LIMS2: variants seen among roughly 807,000 people sequenced by gnomAD.
LIMS2 encodes LIM zinc finger domain containing 2.
LIMS2 carries 30 observed loss-of-function variants against 45.3 expected under a neutral mutation model. That is an observed-to-expected ratio of 0.66 (90% CI 0.50 to 0.90). LIMS2 has a LOEUF of 0.90. LIMS2 is among the 40% of genes least tolerant of loss of function. The probability of loss-of-function intolerance (pLI) is 0.00; values close to 1 mark genes in which losing one functional copy is unlikely to be tolerated. For synonymous variants in LIMS2, 173 were observed against 188.0 expected (o/e 0.92, Z 0.65); for missense variants, 485 against 468.7 (o/e 1.03, Z -0.32).
chr2:127,648,064 G>C, intron 4 of LIMS2: 2 of 985,596 alleles, frequency 2.0e-6, no homozygotes, highest in Non-Finnish European at 2.4e-6. Flanking sequence ...TCAGCTCTCC[G>C]CCCTCACCGT....
At chr2:127,649,297 C>A (rs1052908092) in intron 4 of LIMS2, among the ~76,000 whole-genome samples, 8 of 152,140 alleles carry the variant, frequency 5.3e-5, no homozygotes, top group Non-Finnish European at 7.4e-5. Flanking sequence ...GGATGAGGAC[C>A]CTGCCAGGGC....
Position 127,639,041 on chromosome 2 carries a change from C to A in LIMS2, c.*240G>T. ...GGCACAGGTGGACATGGCTGTCAGA[C>A]GTGGGGTCATAGGCTCCCACTCCCC... On this transcript the variant is annotated 3_prime_UTR_variant, in exon 10 of 10. Transcript: ENST00000355119. The A allele has an allele frequency of 1.9e-6, 1 of 534,522 alleles. No individual in the cohort carries two copies. Among genetic ancestry groups the A allele is most frequent in the Non-Finnish European group, 3.3e-6 (1 of 300,200 alleles). The allele number at this position is 534,522 out of a possible 1,614,324, so 33.1% of individuals were successfully genotyped here.
At chr2:127,649,091 G>GA (rs752842992) in intron 4 of LIMS2, among the ~76,000 whole-genome samples, 32 of 133,638 alleles carry the variant, frequency 2.4e-4, no homozygotes, top group East Asian at 8.5e-4. Flanking sequence ...AAGAAAAAAA[G>GA]AAAAAAGAAA....
upstream of LIMS2, among the ~76,000 whole-genome samples, chr2:127,680,076 C>G (rs903249936): frequency 2.0e-5 from 3 of 152,242 alleles, no homozygotes; most frequent in Non-Finnish European, 4.4e-5. Context: ...CGAATATCAA[C>G]ACAAAGTTCA....
rs972924457 is a variant in LIMS2, at chr2:127,653,340, C to T, written c.359+1084G>A. On this transcript the variant is annotated intron_variant, in intron 4 of 9. Coordinates refer to ENST00000355119, the MANE Select transcript of LIMS2 (RefSeq NM_001161403.3). This position sits in a 1 kb window ranked among gnomAD's most constrained non-coding sequence, Gnocchi z 5.3. ...ATACAGGGGACGCATGCAGAGGCAG[C>T]CTTGGTGGTCAGTGGAGGAGAATCC... Among the ~76,000 whole-genome samples, 17 of 152,304 alleles carry T rather than the reference C, an allele frequency of 1.1e-4. No individual in the cohort carries two copies. Among genetic ancestry groups the T allele is most frequent in the Admixed American group, 9.2e-4 (14 of 15,294 alleles).
rs548049545 is a variant in LIMS2 at position 127,661,582 on chromosome 2, C to G, written c.12-4020G>C. ...CCCCAGGAGACACCACTACCCACCC[C>G]CAGCTGGACTACGTAGAACATACTG... On this transcript the variant is annotated intron_variant, in intron 1 of 9. Coordinates refer to ENST00000355119, the MANE Select transcript of LIMS2 (RefSeq NM_001161403.3). Among the ~76,000 whole-genome samples, 17 of 152,348 alleles carry G rather than the reference C, an allele frequency of 1.1e-4. No individual in the cohort carries two copies. In the South Asian group the frequency reaches 2.3e-3, roughly 20 times the overall value.
Position 127,664,585 on chromosome 2 carries a change from A to G in LIMS2, c.12-7023T>C. ...AAGGGCAGCAGAGTCAACTCCAAAT[A>G]GAAAGGATATTGTTCGCGCCGCGGG... On this transcript the variant is annotated intron_variant, in intron 1 of 9. Coordinates refer to ENST00000355119, the MANE Select transcript of LIMS2 (RefSeq NM_001161403.3). The surrounding 1 kb of genome is among the most constrained non-coding windows in gnomAD (Gnocchi z 5.5). 1 of 1,140,284 alleles carries G rather than the reference A, an allele frequency of 8.8e-7. No individual in the cohort carries two copies. The highest frequency in any genetic ancestry group is 1.1e-6 in the Non-Finnish European group (1 of 929,806). 70.6% of individuals were successfully genotyped at this position (1,140,284 alleles called of 1,614,324 possible). A position where few individuals can be genotyped will look rare whatever the true frequency, so the allele number is the denominator to read the frequency against.
In LIMS2 at chr2:127,643,050, T is replaced by A; in HGVS notation, c.382A>T (p.Asn128Tyr). 3 of 1,584,970 alleles carry A rather than the reference T, an allele frequency of 1.9e-6. No homozygotes were observed. The South Asian group carries it at 3.5e-5, about 18-fold the overall frequency. Residue 128 changes from asparagine (N) to tyrosine (Y), a missense_variant, in exon 5 of 10, where the codon AAC (asparagine) becomes TAC (tyrosine). Asn to Tyr is a moderately radical substitution (Grantham distance 143). Transcript: ENST00000355119. The part of the protein sequence containing the change: ...AGRHLCRPCH[N>Y]REKAKGLGKY... Reference sequence around the variant, plus strand: ...CCCAGGCCCTTGGCCTTCTCACGGTTGTGGCAAGGCCGGCAGAGATGCCTG... The same window carrying A: ...CCCAGGCCCTTGGCCTTCTCACGGTAGTGGCAAGGCCGGCAGAGATGCCTG...
At chr2:127,676,477 TCTCCGCTCACTGCAAC>T (rs1192613545), upstream of LIMS2, among the ~76,000 whole-genome samples, 23 of 139,798 alleles carry the variant, frequency 1.6e-4, no homozygotes, top group Admixed American at 1.7e-3. Flanking sequence ...AATGGTGCAA[TCTCCGCTCACTGCAAC>T]CTCCGCCTCC....
chr2:127,647,076 A>C lies in LIMS2; in HGVS notation c.360-4004T>G, dbSNP rs1327375672. Reference sequence around the variant, plus strand: ...GGCCCCCGGGCTGGAGGCAGGAGGCACCACAGGCCCACCTGGTGCCATGAG... The same window carrying C: ...GGCCCCCGGGCTGGAGGCAGGAGGCCCCACAGGCCCACCTGGTGCCATGAG... On this transcript the variant is annotated intron_variant, in intron 4 of 9. Coordinates refer to ENST00000355119, the MANE Select transcript of LIMS2 (RefSeq NM_001161403.3). The surrounding 1 kb of genome is among the most constrained non-coding windows in gnomAD (Gnocchi z 4.3). 6.6e-6 allele frequency among the ~76,000 whole-genome samples: 1 copy of C among 152,132 alleles called. No homozygotes were observed. Among genetic ancestry groups the C allele is most frequent in the Non-Finnish European group, 1.5e-5 (1 of 68,010 alleles).
chr2:127,640,080 G>A lies in LIMS2; in HGVS notation c.868C>T (p.Leu290Phe), dbSNP rs1682252102. The A allele has an allele frequency of 6.2e-7, 1 of 1,613,378 alleles. No homozygotes were observed. Among genetic ancestry groups the A allele is most frequent in the Non-Finnish European group, 8.5e-7 (1 of 1,180,000 alleles). Residue 290 changes from leucine to phenylalanine, a missense_variant, in exon 9 of 10, where the codon CTC (leucine) becomes TTC (phenylalanine). Transcript: ENST00000355119. ...ATCACAGGGACTCACTTCAGGGTGA[G>A]CTTGCTGTTGCAGGTGGAGCAGGAG... ...CFSCSTCNSKLTLKNKFVEFD... is the reference protein window; with the variant it reads ...CFSCSTCNSKFTLKNKFVEFD...
upstream of LIMS2, among the ~76,000 whole-genome samples, chr2:127,676,383 T>C (rs553397566): frequency 2.0e-5 from 3 of 151,528 alleles, no homozygotes; most frequent in African/African-American, 7.3e-5. Flanking sequence ...TGGCTGGTAT[T>C]GTGGAGTGCC....
At position 127,653,515 on chromosome 2, in the gene LIMS2, C is replaced by A. The variant is rs2105287252; in HGVS notation, c.359+909G>T. ...GCCATTTAGGGCTCTAGGATTCTGT[C>A]TGCAAGGGCAGCCATGAGGGCCGGG... On this transcript the variant is annotated intron_variant, in intron 4 of 9. Coordinates refer to ENST00000355119, the MANE Select transcript of LIMS2 (RefSeq NM_001161403.3). The surrounding 1 kb of genome is among the most constrained non-coding windows in gnomAD (Gnocchi z 5.3). 6.6e-6 allele frequency among the ~76,000 whole-genome samples: 1 copy of A among 152,300 alleles called. No individual in the cohort carries two copies. Among genetic ancestry groups the A allele is most frequent in the South Asian group, 2.1e-4 (1 of 4,824 alleles).
chr2:127,642,249 G>A lies in LIMS2; in HGVS notation c.510-50C>T. On this transcript the variant is annotated intron_variant, in intron 5 of 9. Transcript: ENST00000355119. This position sits in a 1 kb window ranked among gnomAD's most constrained non-coding sequence, Gnocchi z 5.3. ...GGTGCCACCCCTGCCCTTCTGCAGG[G>A]TCATGCCAGCAGCGCCTCCACCCCA... is the stretch of plus-strand genomic sequence containing the variant. The A allele has an allele frequency of 6.9e-7, 1 of 1,446,538 alleles. No individual in the cohort carries two copies. Among genetic ancestry groups the A allele is most frequent in the Non-Finnish European group, 9.1e-7 (1 of 1,093,970 alleles). The allele number at this position is 1,446,538 out of a possible 1,614,324, so 89.6% of individuals were successfully genotyped here. A position where few individuals can be genotyped will look rare whatever the true frequency, so the allele number is the denominator to read the frequency against.
intron 7 of LIMS2, 195 bp from the exon 8 acceptor site, chr2:127,640,513 C>A: frequency 3.1e-6 from 2 of 637,232 alleles, no homozygotes; most frequent in Non-Finnish European, 5.5e-6. Flanking sequence ...GGACAACAGG[C>A]TGGGGCGTTG....
chr2:127,674,418 T>G (rs1685414074), intron 1 of LIMS2: 1 of 160,260 alleles, frequency 6.2e-6, no homozygotes, highest in African/African-American at 2.4e-5. Context: ...TCTGGTGACC[T>G]CATCTGTGAA....
chr2:127,680,829 C>A (rs762637690), intron 1 of LIMS2, among the ~76,000 whole-genome samples: 1 of 152,220 alleles, frequency 6.6e-6, no homozygotes, highest in African/African-American at 2.4e-5. Flanking sequence ...ATGGGTTTGG[C>A]TACCCGAGGG....
intron 4 of LIMS2, chr2:127,650,204 G>A: frequency 1.3e-6 from 1 of 778,690 alleles, no homozygotes; most frequent in Non-Finnish European, 2.1e-6. Flanking sequence ...CCCGGCCACT[G>A]CACCTGTGGG....
intron 1 of LIMS2, among the ~76,000 whole-genome samples, chr2:127,658,725 T>C (rs1684425454): frequency 6.6e-6 from 1 of 152,220 alleles, no homozygotes; most frequent in Admixed American, 6.5e-5. Flanking sequence ...ACGTGGGTTC[T>C]GTCTCAAGTG....
Sources: allele counts gnomAD v4.1 joint callset (sites outside exome capture counted in the v4.1 genomes callset), GRCh38; gene constraint gnomAD v4.1.1; non-coding constraint Gnocchi (gnomAD v3.1); transcripts MANE v1.5; gene names NCBI Gene and HGNC (gene_info 2026-07-23, HGNC 2026-07-21).